The following PRKAR2B variants were observed in gnomAD, a reference collection of about 807,000 sequenced individuals.
PRKAR2B encodes protein kinase cAMP-dependent type II regulatory subunit beta.
Under a neutral mutation model 49.9 loss-of-function variants are expected in PRKAR2B, and 14 were observed. The ratio of observed to expected loss-of-function variants is 0.28; its 90% confidence interval spans 0.19 to 0.44. The LOEUF is 0.44. Among genes scored for constraint, PRKAR2B ranks in the 20% least tolerant of loss-of-function variants. PRKAR2B has a pLI of 1.00. For synonymous variants in PRKAR2B, 196 were observed against 197.7 expected, an observed-to-expected ratio of 0.99 and a Z score of 0.07; for missense variants, 393 against 537.9, an observed-to-expected ratio of 0.73 and a Z score of 2.67.
At chr7:107,131,450 T>C (rs1584444647) in intron 4 of PRKAR2B, among the ~76,000 whole-genome samples, 1 of 152,242 alleles carries the variant, frequency 6.6e-6, no homozygotes, top group East Asian at 1.9e-4. Flanking sequence ...AGTGTGATTA[T>C]TTTGTAAACA....
chr7:107,094,624 G>T (rs1433655972), intron 2 of PRKAR2B, among the ~76,000 whole-genome samples: 1 of 152,146 alleles, frequency 6.6e-6, no homozygotes, highest in Non-Finnish European at 1.5e-5. Context: ...TTTCTTCTAG[G>T]TTTTTTATGG....
chr7:107,144,405 TTCTG>T (rs756410713), intron 5 of PRKAR2B, among the ~76,000 whole-genome samples: 1 of 152,184 alleles, frequency 6.6e-6, no homozygotes, highest in East Asian at 1.9e-4. Context: ...AATTATTTTC[TTCTG>T]TCTATCATGT....
chr7:107,159,359 G>A, intron 10 of PRKAR2B, 90 bp from the exon 11 acceptor site: 5 of 1,211,614 alleles, frequency 4.1e-6, no homozygotes, highest in Non-Finnish European at 5.9e-6. Flanking sequence ...TTGCACTATT[G>A]ATATATATGG....
rs1167466307 is a variant in PRKAR2B at position 107,115,446 on chromosome 7, A to AC, written c.344-6504dup. On this transcript the variant is annotated intron_variant, in intron 2 of 10. Transcript: ENST00000265717. ...TTTTATAGCTGAAATGTAGCCTGTA[A>AC]CCGAGTGGATTATAGTAACTTAATA... 9.2e-5 allele frequency among the ~76,000 whole-genome samples: 14 copies of AC among 152,338 alleles called. No individual in the cohort carries two copies. In the East Asian group the frequency reaches 2.7e-3, roughly 29 times the overall value.
chr7:107,136,457 C>T (rs555368507), intron 4 of PRKAR2B, among the ~76,000 whole-genome samples: 9 of 152,220 alleles, frequency 5.9e-5, no homozygotes, highest in African/African-American at 1.9e-4. Flanking sequence ...ATACAAAGAA[C>T]TCAACAGTAG....
chr7:107,121,672 G>A (rs1795391951), intron 2 of PRKAR2B, among the ~76,000 whole-genome samples: 2 of 152,020 alleles, frequency 1.3e-5, no homozygotes, highest in African/African-American at 4.8e-5. Flanking sequence ...TAGATATCAT[G>A]CCTTGGAAAT....
At chr7:107,111,660 T>C (rs2116824559) in intron 2 of PRKAR2B, among the ~76,000 whole-genome samples, 1 of 152,334 alleles carries the variant, frequency 6.6e-6, no homozygotes, top group African/African-American at 2.4e-5. Flanking sequence ...ATCAGTAGTA[T>C]ATATGAATAT....
At chr7:107,071,814 C>G (rs1351840071) in intron 2 of PRKAR2B, among the ~76,000 whole-genome samples, 1 of 152,120 alleles carries the variant, frequency 6.6e-6, no homozygotes, top group Non-Finnish European at 1.5e-5. Flanking sequence ...GCCTGTAATC[C>G]CAACACTTTG....
chr7:107,105,253 G>GTATGAAGGC (rs1359767569), intron 2 of PRKAR2B, among the ~76,000 whole-genome samples: 1 of 152,150 alleles, frequency 6.6e-6, no homozygotes, highest in Non-Finnish European at 1.5e-5. Flanking sequence ...TTCTTTACCT[G>GTATGAAGGC]TATGAAGGCA....
At chr7:107,140,616 T>A (rs1795774819) in intron 4 of PRKAR2B, among the ~76,000 whole-genome samples, 1 of 152,212 alleles carries the variant, frequency 6.6e-6, no homozygotes, top group African/African-American at 2.4e-5. Flanking sequence ...GCAAATATTC[T>A]AAAATAGACT....
In PRKAR2B at chr7:107,140,963, G is replaced by T. The variant is rs1489428929; in HGVS notation, c.587+10G>T. 9 of 1,584,184 alleles carry T rather than the reference G, an allele frequency of 5.7e-6. No homozygotes were observed. The highest frequency in any genetic ancestry group is 7.8e-6 in the Non-Finnish European group (9 of 1,157,776). On this transcript the variant is annotated intron_variant, in intron 5 of 10. Transcript: ENST00000265717. ...TTTATGTAATTGATAGGTAAGTTTT[G>T]CCCAACCTTACTATTGAAATTGAAA... is the stretch of plus-strand genomic sequence containing the variant.
chr7:107,155,865 AT>A (rs1301280306), intron 8 of PRKAR2B, among the ~76,000 whole-genome samples: 1 of 152,200 alleles, frequency 6.6e-6, no homozygotes, highest in African/African-American at 2.4e-5. Context: ...CCAAATGCCC[AT>A]CAGTGATAGA....
intron 2 of PRKAR2B, chr7:107,091,858 A>T (rs1206388506): frequency 6.6e-6 from 1 of 152,180 alleles, no homozygotes; most frequent in Non-Finnish European, 1.5e-5. Flanking sequence ...GTAAGATGCG[A>T]ATCTACTGAA....
At chr7:107,108,455 G>A (rs983273790) in intron 2 of PRKAR2B, among the ~76,000 whole-genome samples, 1 of 152,188 alleles carries the variant, frequency 6.6e-6, no homozygotes, top group Non-Finnish European at 1.5e-5. Flanking sequence ...TGGCAGGCGT[G>A]CTCCTGTCTG....
chr7:107,054,270 CG>C (rs1554361178), intron 1 of PRKAR2B, among the ~76,000 whole-genome samples: 1 of 152,142 alleles, frequency 6.6e-6, no homozygotes, highest in Non-Finnish European at 1.5e-5. Context: ...AGGAGAATGG[CG>C]TGAACCCGAG....
chr7:107,161,771 T>C lies in PRKAR2B; in HGVS notation c.*2189T>C, dbSNP rs1796202904. ...CCAAATCAATCTGGCTAACTAGGAA[T>C]TTATGTGTAAAATTATCTGATTAAA... On this transcript the variant is annotated 3_prime_UTR_variant, in exon 11 of 11. Coordinates refer to ENST00000265717, the MANE Select transcript of PRKAR2B (RefSeq NM_002736.3). 2 of 152,222 alleles carry C rather than the reference T, an allele frequency of 1.3e-5. No individual in the cohort carries two copies. The highest frequency in any genetic ancestry group is 3.8e-4 in the East Asian group (2 of 5,196). The allele number at this position is 152,222 out of a possible 1,614,324, so 9.4% of individuals were successfully genotyped here. A position where few individuals can be genotyped will look rare whatever the true frequency, so the allele number is the denominator to read the frequency against.
intron 2 of PRKAR2B, among the ~76,000 whole-genome samples, chr7:107,121,492 A>G (rs1372319584): frequency 2.0e-5 from 3 of 152,182 alleles, no homozygotes; most frequent in Non-Finnish European, 2.9e-5. Flanking sequence ...GACTGGAAGG[A>G]AATACCCAAA....
At chr7:107,054,803 T>C (rs931651750) in intron 1 of PRKAR2B, among the ~76,000 whole-genome samples, 1 of 152,206 alleles carries the variant, frequency 6.6e-6, no homozygotes, top group African/African-American at 2.4e-5. Flanking sequence ...GGCATGTAAA[T>C]ATTTTAAATA....
chr7:107,119,837 A>G (rs1229667735), intron 2 of PRKAR2B, among the ~76,000 whole-genome samples: 1 of 152,168 alleles, frequency 6.6e-6, no homozygotes, highest in African/African-American at 2.4e-5. Flanking sequence ...TTCATATGTC[A>G]GTGAGGTTCT....
Sources: gnomAD v4.1 joint callset for allele counts (sites outside exome capture counted in the v4.1 genomes callset) on GRCh38, gnomAD v4.1.1 for gene constraint, MANE v1.5 for transcripts, NCBI Gene and HGNC (gene_info 2026-07-23, HGNC 2026-07-21) for gene names.